Variants in ARHGEF11 observed in about 807,000 individuals in gnomAD.
The protein encoded by ARHGEF11 is Rho guanine nucleotide exchange factor 11, also known as Rho guanine exchange factor (GEF) 11.
A neutral mutation model predicts 193.7 loss-of-function variants in ARHGEF11; 55 were observed. The observed-to-expected ratio is 0.28, with a 90% confidence interval of 0.23 to 0.36. The LOEUF is 0.36. ARHGEF11 is among the 10% of genes least tolerant of loss of function. ARHGEF11 has a pLI of 1.00. For synonymous variants in ARHGEF11, 693 were observed against 768.0 expected, an observed-to-expected ratio of 0.90 and a Z score of 1.62; for missense variants, 1,723 against 2,005.6, an observed-to-expected ratio of 0.86 and a Z score of 2.69.
chr1:157,026,789 A>T (rs1257982776), intron 1 of ARHGEF11, among the ~76,000 whole-genome samples: 1 of 152,238 alleles, frequency 6.6e-6, no homozygotes, highest in Non-Finnish European at 1.5e-5. Context: ...AAATCAGTAA[A>T]GTGCTGAACA....
chr1:157,046,695 CAT>C (rs1384284096), upstream of ARHGEF11, among the ~76,000 whole-genome samples: 1 of 152,186 alleles, frequency 6.6e-6, no homozygotes, highest in Non-Finnish European at 1.5e-5. Flanking sequence ...AACCCCCTCT[CAT>C]AGAATCACAG....
Position 156,948,080 on chromosome 1 carries a change from G to A in ARHGEF11, c.2153+101C>T. ...TGGGAAACCAGTGGGCCCAGAAGAG[G>A]AGACAGCCACCCAACCAGCCCCTTG... is the stretch of plus-strand genomic sequence containing the variant. On this transcript the variant is annotated intron_variant, in intron 24 of 40. Coordinates refer to ENST00000368194, the MANE Select transcript of ARHGEF11 (RefSeq NM_198236.3). This position sits in a 1 kb window ranked among gnomAD's most constrained non-coding sequence, Gnocchi z 4.2. The A allele has an allele frequency of 6.5e-7, 1 of 1,536,556 alleles. No homozygotes were observed. The highest frequency in any genetic ancestry group is 8.8e-7 in the Non-Finnish European group (1 of 1,135,976).
rs1664110634 is a variant in ARHGEF11 at position 156,981,127 on chromosome 1, C to T, written c.224-641G>A. ...CACTACAGACTGGATCTTCTGGGTTCAAGTGATCCTCCCAACTCAACCCTC... is the reference window on the plus strand; with the variant it reads ...CACTACAGACTGGATCTTCTGGGTTTAAGTGATCCTCCCAACTCAACCCTC... On this transcript the variant is annotated intron_variant, in intron 3 of 40. Coordinates refer to ENST00000368194, the MANE Select transcript of ARHGEF11 (RefSeq NM_198236.3). 2.6e-5 allele frequency among the ~76,000 whole-genome samples: 4 copies of T among 151,706 alleles called. No individual in the cohort carries two copies. In the South Asian group the frequency reaches 8.3e-4, roughly 32 times the overall value.
At chr1:157,045,933 C>A (rs1673281101), upstream of ARHGEF11, among the ~76,000 whole-genome samples, 1 of 150,930 alleles carries the variant, frequency 6.6e-6, no homozygotes, top group African/African-American at 2.4e-5. Flanking sequence ...GCCCGCCGGC[C>A]TTTCCCCTCA....
chr1:157,020,756 C>T (rs1454882139), intron 1 of ARHGEF11, among the ~76,000 whole-genome samples: 1 of 152,168 alleles, frequency 6.6e-6, no homozygotes, highest in Non-Finnish European at 1.5e-5. Flanking sequence ...CTTTGACTAA[C>T]ATTAAAATGA....
rs1673129749 is a variant in ARHGEF11 at position 157,044,426 on chromosome 1, G to T, written c.-96C>A. Reference sequence around the variant, plus strand: ...AATTTTTGAGCAAGGTGAGAGGAGGGCCTCCCAACTTGAAGATAGAATCCT... The same window carrying T: ...AATTTTTGAGCAAGGTGAGAGGAGGTCCTCCCAACTTGAAGATAGAATCCT... On this transcript the variant is annotated 5_prime_UTR_variant, in exon 1 of 41. Coordinates refer to ENST00000368194, the MANE Select transcript of ARHGEF11 (RefSeq NM_198236.3). 1 of 1,159,864 alleles carries T rather than the reference G, an allele frequency of 8.6e-7. No individual in the cohort carries two copies. The allele number at this position is 1,159,864 out of a possible 1,614,324, so 71.8% of individuals were successfully genotyped here.
At chr1:156,961,849 G>T in intron 13 of ARHGEF11, 74 bp from the exon 14 acceptor site, 1 of 1,338,280 alleles carries the variant, frequency 7.5e-7, no homozygotes. Flanking sequence ...GGGACGTTTG[G>T]CCATGTCTGG....
Position 156,951,718 on chromosome 1 carries a change from T to C in ARHGEF11, c.1799-19A>G, listed in dbSNP as rs1433893492. 2.4e-5 allele frequency: 38 copies of C among 1,613,736 alleles called. No homozygotes were observed. Among genetic ancestry groups the C allele is most frequent in the Non-Finnish European group, 3.1e-5 (36 of 1,179,808 alleles). ...GGTTTGACTAGAAGCAAAAAGAAAA[T>C]GAAGGACACTAGGCTTGCTGTTCAG... On this transcript the variant is annotated intron_variant, in intron 21 of 40. Coordinates refer to ENST00000368194, the MANE Select transcript of ARHGEF11 (RefSeq NM_198236.3).
intron 28 of ARHGEF11, among the ~76,000 whole-genome samples, 183 bp downstream of exon 28, chr1:156,946,479 A>G (rs1402526397): frequency 1.3e-5 from 2 of 152,190 alleles, no homozygotes; most frequent in Non-Finnish European, 2.9e-5. Context: ...CTAATCCAGG[A>G]TTCTTTCCAA....
chr1:157,015,151 C>T (rs1250700881), intron 1 of ARHGEF11, among the ~76,000 whole-genome samples: 6 of 152,178 alleles, frequency 3.9e-5, no homozygotes, highest in African/African-American at 1.2e-4. Context: ...ACATCCTGGA[C>T]AATTTGATAC....
At chr1:156,958,949 A>G (rs752862118) in intron 16 of ARHGEF11, 85 bp from the exon 17 acceptor site, 8 of 1,608,450 alleles carry the variant, frequency 5.0e-6, no homozygotes, top group Non-Finnish European at 6.0e-6. Context: ...ACAAACACAT[A>G]TAACAAGAGA....
Position 156,984,333 on chromosome 1 carries a change from A to G in ARHGEF11, c.223+6T>C. 2 of 1,577,986 alleles carry G rather than the reference A, an allele frequency of 1.3e-6. No individual in the cohort carries two copies. The highest frequency in any genetic ancestry group is 1.7e-6 in the Non-Finnish European group (2 of 1,161,004). ...CCACCGTGGGCAGGAGGGATGCAGC[A>G]CTCACCAGGCCGCACAGACTGCACC... On this transcript the variant is annotated splice_donor_region_variant and intron_variant, in intron 3 of 40. Transcript: ENST00000368194.
At chr1:156,974,294 G>A (rs993088636) in intron 7 of ARHGEF11, among the ~76,000 whole-genome samples, 1 of 151,934 alleles carries the variant, frequency 6.6e-6, no homozygotes, top group Non-Finnish European at 1.5e-5. Context: ...TGTTGAACTC[G>A]TAGGCTCAAG....
chr1:156,953,512 A>G (rs1409251322), intron 21 of ARHGEF11, among the ~76,000 whole-genome samples: 1 of 152,116 alleles, frequency 6.6e-6, no homozygotes, highest in Non-Finnish European at 1.5e-5. Context: ...CTTGTTTTAT[A>G]AACTTTTTTA....
intron 32 of ARHGEF11, 108 bp from the exon 33 acceptor site, chr1:156,942,888 G>A: frequency 1.2e-6 from 1 of 855,394 alleles, no homozygotes; most frequent in Middle Eastern, 2.9e-4. Flanking sequence ...CCTCAACGCA[G>A]ATGGAGAGTG....
Position 156,961,759 on chromosome 1 carries a change from G to T in ARHGEF11, c.1157C>A (p.Ala386Glu). The T allele has an allele frequency of 6.2e-7, 1 of 1,614,144 alleles. No homozygotes were observed. Among genetic ancestry groups the T allele is most frequent in the Non-Finnish European group, 8.5e-7 (1 of 1,180,008 alleles). The part of the protein sequence containing the change: ...DPSPLLFYLC[A>E]EVYQQASPKD... ...GGGGCTTGCCTGCTGATAAACTTCT[G>T]CACACAGGTAAAAAAGCTAGGAGGA... The change falls in exon 14 of 41, where the codon GCA becomes GAA. Residue 386 changes from alanine to glutamate, a missense_variant. Transcript: ENST00000368194.
chr1:156,937,564 G>C (rs1655742164), intron 38 of ARHGEF11, 68 bp from the exon 39 acceptor site: 2 of 1,474,252 alleles, frequency 1.4e-6, no homozygotes, highest in African/African-American at 1.4e-5. Context: ...TCCCGTTCCT[G>C]TGGGATTCCC....
chr1:157,040,492 C>A (rs1672603232), intron 1 of ARHGEF11, among the ~76,000 whole-genome samples: 1 of 152,228 alleles, frequency 6.6e-6, no homozygotes, highest in African/African-American at 2.4e-5. Context: ...ATCCCCATCA[C>A]TAACAGACAT....
In ARHGEF11 at chr1:156,945,122, G is replaced by A. The variant is rs1420230862; in HGVS notation, c.2888C>T (p.Ala963Val). The A allele has an allele frequency of 6.2e-6, 10 of 1,614,144 alleles. No individual in the cohort carries two copies. Among genetic ancestry groups the A allele is most frequent in the Middle Eastern group, 1.7e-4 (1 of 6,056 alleles). ...GTGGCGGTTCTCTGTTTGTTTTACC[G>A]CTTCATTCACATACTTGAGAATCTC... ...CREILKYVNE[A>V]VKQTENRHRL... Residue 963 changes from alanine to valine, a missense_variant, in exon 30 of 41, where the codon GCG becomes GTG. Coordinates refer to ENST00000368194, the MANE Select transcript of ARHGEF11 (RefSeq NM_198236.3).
Sources: gnomAD v4.1 joint callset for allele counts (sites outside exome capture counted in the v4.1 genomes callset) on GRCh38, gnomAD v4.1.1 for gene constraint, Gnocchi (gnomAD v3.1) non-coding constraint, MANE v1.5 for transcripts, NCBI Gene and HGNC (gene_info 2026-07-23, HGNC 2026-07-21) for gene names.